Variants in RCAN1 observed in about 807,000 individuals in gnomAD.
RCAN1 encodes regulator of calcineurin 1, also known as calcipressin-1.
Under a neutral mutation model 22.9 loss-of-function variants are expected in RCAN1, and 11 were observed. The observed-to-expected ratio is 0.48, with a 90% confidence interval of 0.30 to 0.79. The LOEUF (loss-of-function observed/expected upper bound fraction) is 0.79, where lower values mean the gene tolerates loss of function less well. Among genes scored for constraint, RCAN1 ranks in the 30% least tolerant of loss-of-function variants. RCAN1 has a pLI of 0.06. For missense variants in RCAN1, 291 were observed against 337.8 expected (o/e 0.86, Z 1.09); for synonymous variants, 136 against 142.3 (o/e 0.96, Z 0.32).
chr21:34,581,171 CTAA>C (rs1987593594), intron 1 of RCAN1, among the ~76,000 whole-genome samples: 1 of 74,880 alleles, frequency 1.3e-5, no homozygotes, highest in African/African-American at 6.2e-5. Context: ...TTTCACTTCT[CTAA>C]TAACTTTTTT....
chr21:34,548,610 C>T (rs1986237415), intron 1 of RCAN1, among the ~76,000 whole-genome samples: 1 of 152,196 alleles, frequency 6.6e-6, no homozygotes, highest in Non-Finnish European at 1.5e-5. Context: ...TACCTTACAT[C>T]CCATTTTAGC....
chr21:34,520,466 G>T (rs2834503), intron 3 of RCAN1, among the ~76,000 whole-genome samples: 2 of 151,984 alleles, frequency 1.3e-5, no homozygotes, highest in Non-Finnish European at 1.5e-5. Context: ...AGTAATGTGA[G>T]TCTTGCTTTA....
intron 1 of RCAN1, among the ~76,000 whole-genome samples, chr21:34,562,092 T>C (rs1244504385): frequency 6.6e-6 from 1 of 152,250 alleles, no homozygotes; most frequent in Non-Finnish European, 1.5e-5. Context: ...GAGGTCATAC[T>C]GAACAAGCAC....
In RCAN1 at chr21:34,518,067, C is replaced by T. The variant is rs1326814880; in HGVS notation, c.*17G>A. The T allele has an allele frequency of 1.9e-6, 3 of 1,613,512 alleles. No individual in the cohort carries two copies. The highest frequency in any genetic ancestry group is 2.7e-5 in the African/African-American group (2 of 74,916). On this transcript the variant is annotated 3_prime_UTR_variant, in exon 4 of 4. Coordinates refer to ENST00000313806, the MANE Select transcript of RCAN1 (RefSeq NM_004414.7). The surrounding 1 kb of genome is among the most constrained non-coding windows in gnomAD (Gnocchi z 4.2). ...CCCGTGAGTATGATTTGGAATGCGTCCTCGTCGCGTGCCAGTTCAGCTGAG... is the reference window on the plus strand; with the variant it reads ...CCCGTGAGTATGATTTGGAATGCGTTCTCGTCGCGTGCCAGTTCAGCTGAG...
chr21:34,565,034 A>AC (rs55897198), intron 1 of RCAN1, among the ~76,000 whole-genome samples: 36,497 of 151,748 alleles, frequency 0.24, 5,082 homozygotes, highest in African/African-American at 0.38. Flanking sequence ...CCCCATCTCT[A>AC]CCAAAATTAA....
At chr21:34,583,176 GC>G (rs55853873) in intron 1 of RCAN1, among the ~76,000 whole-genome samples, 7,964 of 131,160 alleles carry the variant, frequency 0.061, 334 homozygotes, top group East Asian at 0.23. Flanking sequence ...TGGCGATAGG[GC>G]CTTTTTTTTT....
At chr21:34,571,091 C>T (rs1428614787) in intron 1 of RCAN1, among the ~76,000 whole-genome samples, 4 of 152,014 alleles carry the variant, frequency 2.6e-5, no homozygotes, top group Non-Finnish European at 4.4e-5. Flanking sequence ...GTCGGGAGTT[C>T]GAGACCAGCC....
chr21:34,587,784 G>A (rs1987848644), intron 1 of RCAN1, among the ~76,000 whole-genome samples: 1 of 152,180 alleles, frequency 6.6e-6, no homozygotes, highest in Admixed American at 6.5e-5. Flanking sequence ...GCTGGGCCAT[G>A]GTGCCCAGAT....
intron 1 of RCAN1, among the ~76,000 whole-genome samples, chr21:34,585,079 T>C (rs1409807915): frequency 6.6e-6 from 1 of 152,178 alleles, no homozygotes; most frequent in Non-Finnish European, 1.5e-5. Context: ...TTTAGGAGAA[T>C]TAGTAACAGA....
chr21:34,564,311 G>C (rs114654711), intron 1 of RCAN1, among the ~76,000 whole-genome samples: 5 of 152,080 alleles, frequency 3.3e-5, no homozygotes, highest in African/African-American at 1.2e-4. Flanking sequence ...CATATCAGGC[G>C]GGGGGATCAC....
At chr21:34,592,520 T>C (rs1988008587) in intron 1 of RCAN1, among the ~76,000 whole-genome samples, 1 of 152,190 alleles carries the variant, frequency 6.6e-6, no homozygotes, top group Non-Finnish European at 1.5e-5. Context: ...TAGGATTAGA[T>C]GGCAAAGTAA....
rs1984245987 is a variant in RCAN1, at chr21:34,518,804, AG to A, written c.587-549del. Among the ~76,000 whole-genome samples, 2 of 152,156 alleles carry A rather than the reference AG, an allele frequency of 1.3e-5. No homozygotes were observed. The highest frequency in any genetic ancestry group is 4.8e-5 in the African/African-American group (2 of 41,428). On this transcript the variant is annotated intron_variant, in intron 3 of 3. Transcript: ENST00000313806. This position sits in a 1 kb window ranked among gnomAD's most constrained non-coding sequence, Gnocchi z 4.2. ...TTTTTGACCTGGGCATCTTTTCCTT[AG>A]AACAACTTCTAATCCCCGGGACCAG...
At chr21:34,579,393 A>C (rs1987528505) in intron 1 of RCAN1, among the ~76,000 whole-genome samples, 1 of 152,112 alleles carries the variant, frequency 6.6e-6, no homozygotes, top group Non-Finnish European at 1.5e-5. Flanking sequence ...ACACAGCGAG[A>C]GTCCCACCCC....
chr21:34,576,013 G>A (rs1178784955), intron 1 of RCAN1, among the ~76,000 whole-genome samples: 3 of 152,124 alleles, frequency 2.0e-5, no homozygotes, highest in Non-Finnish European at 4.4e-5. Context: ...AGTGAGCCAG[G>A]GTCCTGTGGA....
chr21:34,575,553 C>T (rs1324262316), intron 1 of RCAN1, among the ~76,000 whole-genome samples: 1 of 152,162 alleles, frequency 6.6e-6, no homozygotes, highest in African/African-American at 2.4e-5. Flanking sequence ...GACAAGCTCT[C>T]ACTCTGTCAC....
At chr21:34,526,883 G>GA (rs930370168) in intron 1 of RCAN1, 694 of 1,428,660 alleles carry the variant, frequency 4.9e-4, no homozygotes, top group Admixed American at 2.0e-3. Flanking sequence ...ACTCCCTGGG[G>GA]AAAAAAAAAG....
chr21:34,558,035 A>G (rs1040834557), intron 1 of RCAN1, among the ~76,000 whole-genome samples: 2 of 152,222 alleles, frequency 1.3e-5, no homozygotes, highest in East Asian at 3.8e-4. Context: ...TAAAATAGTG[A>G]AGAATAATCC....
intron 1 of RCAN1, among the ~76,000 whole-genome samples, chr21:34,605,259 G>A (rs575073352): frequency 3.3e-5 from 5 of 152,306 alleles, no homozygotes; most frequent in South Asian, 4.1e-4. Flanking sequence ...TTTCTCCTGC[G>A]CTGGATGCTT....
intron 1 of RCAN1, among the ~76,000 whole-genome samples, chr21:34,583,767 C>T (rs1251394275): frequency 2.6e-5 from 4 of 152,132 alleles, no homozygotes; most frequent in African/African-American, 9.7e-5. Context: ...ATAGAGATAG[C>T]CTCAATTTTG....
Sources: allele counts gnomAD v4.1 joint callset (sites outside exome capture counted in the v4.1 genomes callset), GRCh38; gene constraint gnomAD v4.1.1; non-coding constraint Gnocchi (gnomAD v3.1); transcripts MANE v1.5; gene names NCBI Gene and HGNC (gene_info 2026-07-23, HGNC 2026-07-21).